MAST1: variants seen among roughly 807,000 people sequenced by gnomAD.
MAST1 encodes microtubule associated serine/threonine kinase 1.
In MAST1, 40 loss-of-function variants were observed where a neutral mutation model predicts 124.6. That is an observed-to-expected ratio of 0.32 (90% CI 0.25 to 0.42). MAST1 has a LOEUF of 0.42. Ranked by LOEUF, MAST1 falls within the 10% of genes least tolerant of loss-of-function variation. MAST1 has a pLI of 1.00. For missense variants in MAST1, 1,558 were observed against 2,181.9 expected, an observed-to-expected ratio of 0.71 and a Z score of 5.70; for synonymous variants, 938 against 939.4, an observed-to-expected ratio of 1.00 and a Z score of 0.03.
intron 22 of MAST1, among the ~76,000 whole-genome samples, chr19:12,870,077 A>G (rs1378198496): frequency 7.0e-6 from 1 of 143,040 alleles, no homozygotes; most frequent in Non-Finnish European, 1.5e-5. Flanking sequence ...GCTACTTGGG[A>G]GGCTGAGGCA....
At chr19:12,858,874 T>A (rs1970047610) in intron 12 of MAST1, 135 bp downstream of exon 12, 2 of 806,746 alleles carry the variant, frequency 2.5e-6, no homozygotes, top group East Asian at 5.4e-5. Context: ...ATTTCTCCAG[T>A]CATTGATTTG....
Position 12,874,606 on chromosome 19 carries a change from G to C in MAST1, c.4449G>C (p.Glu1483Asp). 1 of 1,512,438 alleles carries C rather than the reference G, an allele frequency of 6.6e-7. No individual in the cohort carries two copies. Among genetic ancestry groups the C allele is most frequent in the Non-Finnish European group, 8.8e-7 (1 of 1,131,262 alleles). 93.7% of individuals were successfully genotyped at this position (1,512,438 alleles called of 1,614,324 possible). ...APRGRERWVL[E>D]VVEERTTLSG... The stretch of plus-strand genomic sequence containing the variant: ...GGGGCCGGGAGCGCTGGGTGTTGGA[G>C]GTGGTGGAGGAGCGCACCACGCTGA... The change falls in exon 26 of 26, where the codon GAG (glutamate) becomes GAC (aspartate). Residue 1483 changes from glutamate (E) to aspartate (D), a missense_variant. Around this residue, in one of 10 missense-constraint regions of MAST1, gnomAD observed 168 missense variants for 154.3 expected, o/e 1.09. Coordinates refer to ENST00000251472, the MANE Select transcript of MAST1 (RefSeq NM_014975.3). The surrounding 1 kb of genome is among the most constrained non-coding windows in gnomAD (Gnocchi z 6.6).
At chr19:12,854,061 GCAGT>G (rs1038079674) in intron 10 of MAST1, among the ~76,000 whole-genome samples, 2 of 149,604 alleles carry the variant, frequency 1.3e-5, no homozygotes, top group African/African-American at 4.9e-5. Context: ...CTCCCTCCCT[GCAGT>G]CCCTGGCAAC....
Position 12,865,014 on chromosome 19 carries a change from C to T in MAST1, c.1506-32C>T. 6.2e-7 allele frequency: 1 copy of T among 1,613,682 alleles called. No homozygotes were observed. The highest frequency in any genetic ancestry group is 1.1e-5 in the South Asian group (1 of 91,070). The stretch of plus-strand genomic sequence containing the variant: ...AGGCCAGGAGGCAGAATGGACGGGC[C>T]TCATCCCTGAGATCCCCACCTGTGC... On this transcript the variant is annotated intron_variant, in intron 13 of 25. Coordinates refer to ENST00000251472, the MANE Select transcript of MAST1 (RefSeq NM_014975.3). This position sits in a 1 kb window ranked among gnomAD's most constrained non-coding sequence, Gnocchi z 7.1.
rs375566974 is a variant in MAST1 at position 12,873,799 on chromosome 19, G to A, written c.3642G>A (p.Thr1214=). 7 of 1,595,794 alleles carry A rather than the reference G, an allele frequency of 4.4e-6. No homozygotes were observed. The highest frequency in any genetic ancestry group is 4.0e-5 in the African/African-American group (3 of 74,884). ...LSPLAHTPSP[T]QASPPPLPGH... is the part of the protein sequence containing the mutation. ...CGCTGGCACACACGCCGTCCCCCACGCAGGCGTCACCGCCGCCACTGCCGG... is the reference window on the plus strand; with the variant it reads ...CGCTGGCACACACGCCGTCCCCCACACAGGCGTCACCGCCGCCACTGCCGG... Residue 1214 remains threonine, a synonymous_variant, in exon 26 of 26, where the codon ACG becomes ACA. Transcript: ENST00000251472.
At chr19:12,873,570 T>C (rs775256148) in intron 25 of MAST1, 39 bp from the exon 26 acceptor site, 2 of 1,578,750 alleles carry the variant, frequency 1.3e-6, no homozygotes, top group South Asian at 2.2e-5. Context: ...GGCTGGTGCT[T>C]GGGCTGTACT....
At chr19:12,873,123 A>G (rs1170726342) in intron 24 of MAST1, 1 of 596,388 alleles carries the variant, frequency 1.7e-6, no homozygotes, top group Non-Finnish European at 3.0e-6. Flanking sequence ...GGAGTGGCCA[A>G]AGGGGGTGGG....
At chr19:12,858,777 G>A (rs375261067) in intron 12 of MAST1, 38 bp downstream of exon 12, 33 of 1,606,494 alleles carry the variant, frequency 2.1e-5, no homozygotes, top group Non-Finnish European at 2.5e-5. Flanking sequence ...AGATGGGGCC[G>A]TGCTCACTGG....
chr19:12,874,889 C>G lies in MAST1; in HGVS notation c.*19C>G. 6.3e-7 allele frequency: 1 copy of G among 1,583,612 alleles called. No individual in the cohort carries two copies. ...ACCATAGCCAAGGGGGTCATCGGCCCCGCGCTGTACAGCCTCCGTATACAT... is the reference window on the plus strand; with the variant it reads ...ACCATAGCCAAGGGGGTCATCGGCCGCGCGCTGTACAGCCTCCGTATACAT... On this transcript the variant is annotated 3_prime_UTR_variant, in exon 26 of 26. Transcript: ENST00000251472. The surrounding 1 kb of genome is among the most constrained non-coding windows in gnomAD (Gnocchi z 6.6).
chr19:12,848,954 G>C (rs1285588015), intron 7 of MAST1: 2 of 152,220 alleles, frequency 1.3e-5, no homozygotes, highest in African/African-American at 4.8e-5. Context: ...GTGAAACTCT[G>C]TCTCAAAAAT....
chr19:12,861,145 C>T (rs1193862678), intron 12 of MAST1, among the ~76,000 whole-genome samples: 1 of 152,098 alleles, frequency 6.6e-6, no homozygotes, highest in Non-Finnish European at 1.5e-5. Flanking sequence ...GCACAGCAAC[C>T]TCCATCTCCC....
chr19:12,843,275 C>T lies in MAST1; in HGVS notation c.249-254C>T, dbSNP rs1243613032. The stretch of plus-strand genomic sequence containing the variant: ...ACTGGGTGGGGGCTTTTCCAGTTCT[C>T]GGTGTCCACTCTGAATGATAAGAGA... On this transcript the variant is annotated intron_variant, in intron 3 of 25. Transcript: ENST00000251472. The surrounding 1 kb of genome is among the most constrained non-coding windows in gnomAD (Gnocchi z 4.9). Among the ~76,000 whole-genome samples, 2 of 152,044 alleles carry T rather than the reference C, an allele frequency of 1.3e-5. No individual in the cohort carries two copies. The highest frequency in any genetic ancestry group is 1.9e-4 in the East Asian group (1 of 5,158).
chr19:12,857,976 C>T (rs984109777), intron 10 of MAST1, among the ~76,000 whole-genome samples: 1 of 122,852 alleles, frequency 8.1e-6, no homozygotes, highest in Non-Finnish European at 1.6e-5. Flanking sequence ...CACTACACTC[C>T]AGTCTGAATA....
chr19:12,838,634 G>C lies in MAST1; in HGVS notation c.62G>C (p.Ser21Thr). Residue 21 changes from serine (S) to threonine (T), a missense_variant, in exon 1 of 26, where the codon AGT becomes ACT. Coordinates refer to ENST00000251472, the MANE Select transcript of MAST1 (RefSeq NM_014975.3). The surrounding 1 kb of genome is among the most constrained non-coding windows in gnomAD (Gnocchi z 4.3). ...NFSMPSFPGG[S>T]MFRRTKSCRT... ...TCGATGCCCTCCTTCCCCGGCGGCA[G>C]TATGTTCCGCCGCACCAAGAGGTAG... 6.2e-7 allele frequency: 1 copy of C among 1,610,160 alleles called. No individual in the cohort carries two copies. The highest frequency in any genetic ancestry group is 8.5e-7 in the Non-Finnish European group (1 of 1,178,602).
Position 12,843,763 on chromosome 19 carries a change from G to A in MAST1, c.327+156G>A, listed in dbSNP as rs112710916. On this transcript the variant is annotated intron_variant, in intron 4 of 25. Coordinates refer to ENST00000251472, the MANE Select transcript of MAST1 (RefSeq NM_014975.3). The surrounding 1 kb of genome is among the most constrained non-coding windows in gnomAD (Gnocchi z 4.9). Reference sequence around the variant, plus strand: ...AGCCTGTAATCCCAGTACTTTGGGAGGCCAAGACAGAAGGATTGCTTGAGC... The same window carrying A: ...AGCCTGTAATCCCAGTACTTTGGGAAGCCAAGACAGAAGGATTGCTTGAGC... Among the ~76,000 whole-genome samples the A allele has an allele frequency of 0.052, 7,917 of 152,206 alleles. 717 individuals are homozygous for A. The highest frequency in any genetic ancestry group is 0.18 in the African/African-American group (7,563 of 41,498).
Position 12,865,603 on chromosome 19 carries a change from G to C in MAST1, c.1805-114G>C, listed in dbSNP as rs1473831433. 1 of 1,452,962 alleles carries C rather than the reference G, an allele frequency of 6.9e-7. No homozygotes were observed. The highest frequency in any genetic ancestry group is 9.4e-7 in the Non-Finnish European group (1 of 1,062,980). 90.0% of individuals were successfully genotyped at this position (1,452,962 alleles called of 1,614,324 possible). ...GATCGCTTGCACTCAGGAGGTCAAG[G>C]CTGCAGTGAGCCATGATCGTGCCAC... On this transcript the variant is annotated intron_variant, in intron 15 of 25. Coordinates refer to ENST00000251472, the MANE Select transcript of MAST1 (RefSeq NM_014975.3). The surrounding 1 kb of genome is among the most constrained non-coding windows in gnomAD (Gnocchi z 7.1).
rs34988246 is a variant in MAST1 at position 12,868,103 on chromosome 19, A to ATTTTTTTTTTTTT, written c.2566+137_2566+149dup. On this transcript the variant is annotated intron_variant, in intron 20 of 25. Coordinates refer to ENST00000251472, the MANE Select transcript of MAST1 (RefSeq NM_014975.3). ...GGTCCTATTCACATTGCAATTTGGG[A>ATTTTTTTTTTTTT]TTTTTTTTTTTTTTTTTTTTTTTGA... 3.7e-3 allele frequency: 1,206 copies of ATTTTTTTTTTTTT among 321,906 alleles called. 113 individuals carry two copies. The highest frequency in any genetic ancestry group is 9.2e-3 in the African/African-American group (218 of 23,768). 19.9% of individuals were successfully genotyped at this position (321,906 alleles called of 1,614,324 possible).
intron 1 of MAST1, among the ~76,000 whole-genome samples, chr19:12,839,893 G>GC (rs1797804495): frequency 6.6e-6 from 1 of 152,094 alleles, no homozygotes; most frequent in Admixed American, 6.5e-5. Flanking sequence ...GGGCGACAGA[G>GC]CGAGACATTG....
Position 12,873,508 on chromosome 19 carries a change from C to T in MAST1, c.3448C>T (p.Leu1150=), listed in dbSNP as rs781341215. The stretch of plus-strand genomic sequence containing the variant: ...CCGCTCCACGCCTGACTCCGCCTAC[C>T]TAGGTATTACCTCCTGCACCTGCGC... ...SYRSTPDSAY[L]GASSQSSSPA... Residue 1150 remains leucine, a synonymous_variant, in exon 25 of 26, where the codon CTA becomes TTA. Coordinates refer to ENST00000251472, the MANE Select transcript of MAST1 (RefSeq NM_014975.3). 1.2e-6 allele frequency: 2 copies of T among 1,602,108 alleles called. No homozygotes were observed. The highest frequency in any genetic ancestry group is 8.5e-7 in the Non-Finnish European group (1 of 1,176,866).
Sources: allele counts gnomAD v4.1 joint callset (sites outside exome capture counted in the v4.1 genomes callset), GRCh38; gene constraint gnomAD v4.1.1; regional missense constraint gnomAD v4.1.1; non-coding constraint Gnocchi (gnomAD v3.1); transcripts MANE v1.5; gene names NCBI Gene and HGNC (gene_info 2026-07-23, HGNC 2026-07-21).